ABHD18: variants seen among roughly 807,000 people sequenced by gnomAD.
ABHD18 encodes the protein abhydrolase domain containing 18.
In ABHD18, 55 loss-of-function variants were observed where a neutral mutation model predicts 65.9. The ratio of observed to expected loss-of-function variants is 0.84; its 90% CI spans 0.67 to 1.05. ABHD18 has a LOEUF of 1.05. Among genes scored for constraint, ABHD18 ranks in the 50% least tolerant of loss-of-function variants. The pLI, the probability that ABHD18 is intolerant of heterozygous loss-of-function variation, is 0.00. For missense variants in ABHD18, 533 were observed against 558.5 expected, an observed-to-expected ratio of 0.95 and a Z score of 0.46; for synonymous variants, 181 against 180.2, an observed-to-expected ratio of 1.00 and a Z score of -0.04.
chr4:128,021,202 TGAA>T lies in ABHD18; in HGVS notation c.772_774del (p.Glu258del), dbSNP rs757899372. On this transcript the variant is annotated inframe_deletion, in exon 10 of 13. Transcript: ENST00000645843. ...AGCAATATTATACCCAGACAGTTTA[TGAA>T]GAAGAAATTATTCACATGCTTGAAT... is the stretch of plus-strand genomic sequence containing the variant. 1.7e-5 allele frequency: 26 copies of T among 1,548,348 alleles called. No homozygotes were observed. In the East Asian group the frequency reaches 3.9e-4, roughly 23 times the overall value.
At chr4:128,034,120 G>A (rs1177788627) in intron 12 of ABHD18, among the ~76,000 whole-genome samples, 2 of 151,042 alleles carry the variant, frequency 1.3e-5, no homozygotes, top group Non-Finnish European at 1.5e-5. Flanking sequence ...CACCACACCC[G>A]GCTAATGTTT....
chr4:127,994,116 A>ATTCTT (rs1751356685), intron 4 of ABHD18, among the ~76,000 whole-genome samples: 1 of 152,238 alleles, frequency 6.6e-6, no homozygotes, highest in Admixed American at 6.5e-5. Flanking sequence ...AACTGCAAGC[A>ATTCTT]TTCTTTTCCG....
intron 4 of ABHD18, among the ~76,000 whole-genome samples, chr4:128,005,809 A>G (rs539697103): frequency 3.9e-5 from 6 of 152,290 alleles, no homozygotes; most frequent in African/African-American, 1.4e-4. Context: ...ATGAAGATCC[A>G]AGAGGATACT....
intron 1 of ABHD18, among the ~76,000 whole-genome samples, chr4:127,981,151 A>G (rs372597760): frequency 1.3e-4 from 20 of 152,262 alleles, no homozygotes; most frequent in South Asian, 1.0e-3. Context: ...TACAGTCTCT[A>G]ACTTATGGTG....
At chr4:127,976,816 C>A (rs899308130) in intron 1 of ABHD18, among the ~76,000 whole-genome samples, 9 of 151,988 alleles carry the variant, frequency 5.9e-5, no homozygotes, top group African/African-American at 2.2e-4. Flanking sequence ...CCAAGGCGGG[C>A]GGATCACAAG....
At chr4:127,986,064 A>T (rs184402197) in intron 3 of ABHD18, among the ~76,000 whole-genome samples, 149 of 152,272 alleles carry the variant, frequency 9.8e-4, no homozygotes, top group Admixed American at 1.9e-3. Context: ...ATACAATTGA[A>T]TGGTTTTTAA....
intron 4 of ABHD18, among the ~76,000 whole-genome samples, chr4:127,990,081 A>T (rs1288174456): frequency 6.6e-6 from 1 of 152,228 alleles, no homozygotes; most frequent in East Asian, 1.9e-4. Context: ...CATACTGTGG[A>T]TACCATTAGT....
chr4:128,032,406 G>A (rs1279816698), intron 12 of ABHD18, among the ~76,000 whole-genome samples: 1 of 152,178 alleles, frequency 6.6e-6, no homozygotes, highest in African/African-American at 2.4e-5. Flanking sequence ...AAAAGAAGCC[G>A]CCAGGTGCGG....
chr4:127,994,961 C>A (rs532216588), intron 4 of ABHD18, among the ~76,000 whole-genome samples: 10 of 152,134 alleles, frequency 6.6e-5, no homozygotes, highest in Non-Finnish European at 1.3e-4. Context: ...CTTACTGCAA[C>A]CTCTGCCTCC....
intron 12 of ABHD18, among the ~76,000 whole-genome samples, chr4:128,033,952 CTTTT>C (rs1239951635): frequency 6.4e-5 from 9 of 139,692 alleles, no homozygotes; most frequent in African/African-American, 2.4e-4. Flanking sequence ...CATGCATTTT[CTTTT>C]TTCTTTTTTT....
intron 7 of ABHD18, among the ~76,000 whole-genome samples, chr4:128,016,884 T>C: frequency 6.6e-6 from 1 of 152,202 alleles, no homozygotes; most frequent in East Asian, 1.9e-4. Context: ...GGTGATTTGA[T>C]ATGTAATCCA....
chr4:127,973,459 C>T (rs2149043871), intron 1 of ABHD18, among the ~76,000 whole-genome samples: 1 of 152,100 alleles, frequency 6.6e-6, no homozygotes, highest in Admixed American at 6.5e-5. Context: ...AGCCCAGATA[C>T]TCTACTCAAA....
At chr4:127,977,754 G>T (rs1748230391) in intron 1 of ABHD18, among the ~76,000 whole-genome samples, 2 of 151,528 alleles carry the variant, frequency 1.3e-5, no homozygotes, top group Admixed American at 1.3e-4. Flanking sequence ...TTGCAGGACA[G>T]AAGAAACATT....
intron 1 of ABHD18, among the ~76,000 whole-genome samples, chr4:127,980,861 G>C (rs1350661404): frequency 6.6e-6 from 1 of 151,122 alleles, no homozygotes; most frequent in African/African-American, 2.4e-5. Flanking sequence ...ATTGGAAGGG[G>C]ATTATTTTCT....
In ABHD18 at chr4:127,984,374, A is replaced by G. The variant is rs776631224; in HGVS notation, c.128A>G (p.Glu43Gly). ...TTCAGAAAGATGATTGGAAATCGGG[A>G]AAGATGCCAGAATCTGGTTTCAAGC... ...FEFRKMIGNR[E>G]RCQNLVSSDY... The change falls in exon 3 of 13, where the codon GAA (glutamate) becomes GGA (glycine). Residue 43 changes from glutamate (E) to glycine (G), a missense_variant. This residue lies in a region of ABHD18 where 309 missense variants were observed against 313.5 expected (regional missense o/e 0.99). Coordinates refer to ENST00000645843, the MANE Select transcript of ABHD18 (RefSeq NM_001358451.3). 1.9e-6 allele frequency: 3 copies of G among 1,550,850 alleles called. No homozygotes were observed. Among genetic ancestry groups the G allele is most frequent in the Non-Finnish European group, 2.6e-6 (3 of 1,145,896 alleles).
chr4:127,999,219 G>C (rs983512874), intron 4 of ABHD18, among the ~76,000 whole-genome samples: 5 of 152,094 alleles, frequency 3.3e-5, no homozygotes, highest in African/African-American at 1.2e-4. Flanking sequence ...GGGAGGTGGA[G>C]GTTGCAGTGA....
intron 1 of ABHD18, among the ~76,000 whole-genome samples, chr4:127,971,702 G>A (rs1376335466): frequency 1.3e-5 from 2 of 151,952 alleles, no homozygotes; most frequent in Non-Finnish European, 2.9e-5. Context: ...GTGTTAGCCA[G>A]GGTGGTCTCA....
chr4:127,998,087 C>G (rs1358339691), intron 4 of ABHD18, among the ~76,000 whole-genome samples: 3 of 151,900 alleles, frequency 2.0e-5, no homozygotes, highest in African/African-American at 4.8e-5. Flanking sequence ...AACAAGGTCT[C>G]TATGTTGCCC....
chr4:128,006,068 C>T (rs1438653470), intron 4 of ABHD18, among the ~76,000 whole-genome samples: 1 of 152,168 alleles, frequency 6.6e-6, no homozygotes, highest in African/African-American at 2.4e-5. Context: ...TCAGCTGTGG[C>T]AGAGGAGTCA....
Sources: gnomAD v4.1 joint callset for allele counts (sites outside exome capture counted in the v4.1 genomes callset) on GRCh38, gnomAD v4.1.1 for gene constraint, gnomAD v4.1.1 regional missense constraint, MANE v1.5 for transcripts, NCBI Gene and HGNC (gene_info 2026-07-23, HGNC 2026-07-21) for gene names.